GMPR: variants seen among roughly 807,000 people sequenced by gnomAD.
The protein encoded by GMPR is guanosine monophosphate reductase.
GMPR carries 31 observed loss-of-function variants against 38.4 expected under a neutral mutation model. The ratio of observed to expected loss-of-function variants is 0.81; its 90% CI spans 0.61 to 1.09. The LOEUF (loss-of-function observed/expected upper bound fraction) is 1.09. GMPR is among the 50% of genes least tolerant of loss of function. GMPR has a pLI of 0.00. For synonymous variants in GMPR, 162 were observed against 173.3 expected, an observed-to-expected ratio of 0.93 and a Z score of 0.51; for missense variants, 468 against 453.7, an observed-to-expected ratio of 1.03 and a Z score of -0.29.
intron 1 of GMPR, 50 bp from the exon 2 acceptor site, chr6:16,246,792 G>A (rs1323162392): frequency 6.3e-7 from 1 of 1,583,426 alleles, no homozygotes; most frequent in South Asian, 1.1e-5. Flanking sequence ...TCACATAAGA[G>A]CAAAGCACTC....
At chr6:16,254,841 C>A in intron 4 of GMPR, 106 bp downstream of exon 4, 1 of 721,998 alleles carries the variant, frequency 1.4e-6, no homozygotes, top group Non-Finnish European at 2.3e-6. Flanking sequence ...GCTTTTGGTG[C>A]CTCTTTAGTC....
chr6:16,256,391 A>G (rs899616655), intron 4 of GMPR, among the ~76,000 whole-genome samples: 3 of 149,656 alleles, frequency 2.0e-5, no homozygotes, highest in African/African-American at 4.9e-5. Context: ...TTAGCCAGGC[A>G]TGGTGGCAGA....
chr6:16,279,002 G>A (rs1561832214), intron 6 of GMPR, 112 bp downstream of exon 6: 10 of 662,108 alleles, frequency 1.5e-5, no homozygotes, highest in Non-Finnish European at 2.4e-5. Context: ...GCTGGGCACT[G>A]CGGTCACAGC....
At chr6:16,292,255 C>G (rs1453564265) in intron 8 of GMPR, among the ~76,000 whole-genome samples, 2 of 151,986 alleles carry the variant, frequency 1.3e-5, no homozygotes, top group Non-Finnish European at 2.9e-5. Flanking sequence ...TCATACCAAG[C>G]TAGCAGCAAA....
intron 5 of GMPR, among the ~76,000 whole-genome samples, chr6:16,277,245 G>A (rs1327588042): frequency 2.6e-5 from 4 of 152,216 alleles, no homozygotes; most frequent in Non-Finnish European, 5.9e-5. Flanking sequence ...AGCTGATGCA[G>A]GAGAGGGGCT....
chr6:16,283,883 G>A (rs1274117287), intron 6 of GMPR, among the ~76,000 whole-genome samples: 1 of 150,774 alleles, frequency 6.6e-6, no homozygotes, highest in African/African-American at 2.4e-5. Context: ...AGCTGGTTTT[G>A]ATAAAGAGAT....
intron 5 of GMPR, 96 bp downstream of exon 5, chr6:16,274,592 T>A (rs1759444358): frequency 5.4e-6 from 4 of 741,890 alleles, no homozygotes; most frequent in Non-Finnish European, 7.3e-6. Flanking sequence ...GATGCATGAA[T>A]GACTCATTCA....
chr6:16,269,643 A>G (rs1476550823), intron 4 of GMPR, among the ~76,000 whole-genome samples: 1 of 151,984 alleles, frequency 6.6e-6, no homozygotes, highest in Non-Finnish European at 1.5e-5. Flanking sequence ...TAAAAATACA[A>G]AAAATTAGCT....
intron 3 of GMPR, among the ~76,000 whole-genome samples, chr6:16,254,025 G>GTGAAC (rs1758926498): frequency 6.6e-6 from 1 of 152,086 alleles, no homozygotes; most frequent in Non-Finnish European, 1.5e-5. Flanking sequence ...CCGCCCCCCA[G>GTGAAC]GTTCAAGCTA....
intron 4 of GMPR, chr6:16,264,637 A>C (rs1395622531): frequency 1.3e-5 from 2 of 151,878 alleles, no homozygotes; most frequent in Non-Finnish European, 2.9e-5. Context: ...AGGTAAAGGA[A>C]AATTACAGTC....
chr6:16,250,801 G>C (rs1193282099), intron 3 of GMPR, among the ~76,000 whole-genome samples: 1 of 152,028 alleles, frequency 6.6e-6, no homozygotes, highest in Non-Finnish European at 1.5e-5. Context: ...CAGCACTTTG[G>C]GAGGCTGAGG....
intron 6 of GMPR, among the ~76,000 whole-genome samples, chr6:16,281,226 C>T (rs1345317316): frequency 6.6e-6 from 1 of 152,190 alleles, no homozygotes; most frequent in African/African-American, 2.4e-5. Flanking sequence ...GGCCCAGGAA[C>T]CTGTTTAAAC....
At chr6:16,277,217 CT>C (rs1010367649) in intron 5 of GMPR, among the ~76,000 whole-genome samples, 4 of 152,248 alleles carry the variant, frequency 2.6e-5, no homozygotes, top group African/African-American at 9.6e-5. Context: ...TACAGGACTT[CT>C]GTGGACTCTG....
rs143277148 is a variant in GMPR at position 16,290,486 on chromosome 6, T to C, written c.722T>C (p.Leu241Pro). ...GGAGCTGGAGCAGATTTTGTCATGC[T>C]GGGAGGAATGTTTTCGGGTCATACG... ...AFGAGADFVMLGGMFSGHTEC... is the reference protein window; with the variant it reads ...AFGAGADFVMPGGMFSGHTEC... Residue 241 changes from leucine to proline, a missense_variant, in exon 8 of 9, where the codon CTG becomes CCG. Leu to Pro is a moderately conservative substitution (Grantham distance 98). Coordinates refer to ENST00000259727, the MANE Select transcript of GMPR (RefSeq NM_006877.4). 2 of 1,614,116 alleles carry C rather than the reference T, an allele frequency of 1.2e-6. No individual in the cohort carries two copies. Among genetic ancestry groups the C allele is most frequent in the African/African-American group, 1.3e-5 (1 of 75,038 alleles).
chr6:16,290,578 G>C lies in GMPR; in HGVS notation c.814G>C (p.Asp272His). ...CAAGCTCTTCTACGGGATGAGCTCT[G>C]ACACCGCCATGAACAAGCACGCAGG... Reference protein sequence around the residue: ...KLKLFYGMSSDTAMNKHAGGV... With the variant: ...KLKLFYGMSSHTAMNKHAGGV... The change falls in exon 8 of 9, where the codon GAC becomes CAC. Residue 272 changes from aspartate (D) to histidine (H), a missense_variant. Transcript: ENST00000259727. The C allele has an allele frequency of 6.2e-7, 1 of 1,614,186 alleles. No homozygotes were observed.
chr6:16,288,318 G>A (rs535401373), intron 7 of GMPR, among the ~76,000 whole-genome samples: 100 of 152,370 alleles, frequency 6.6e-4, no homozygotes, highest in African/African-American at 2.1e-3. Context: ...AGTTCCGGGT[G>A]GGTGTGGGCT....
intron 4 of GMPR, among the ~76,000 whole-genome samples, chr6:16,256,293 A>G (rs1393886142): frequency 1.3e-5 from 2 of 149,574 alleles, no homozygotes; most frequent in Admixed American, 6.7e-5. Context: ...AGGTGGGTGG[A>G]TCATGAGGTC....
intron 4 of GMPR, among the ~76,000 whole-genome samples, chr6:16,266,143 GAGCTGTAACACTTGC>G (rs1561826983): frequency 7.9e-6 from 1 of 126,668 alleles, no homozygotes; most frequent in Non-Finnish European, 1.6e-5. Context: ...CCATCTTTAA[GAGCTGTAACACTTGC>G]CATCTTTAAG....
intron 1 of GMPR, among the ~76,000 whole-genome samples, chr6:16,241,487 C>T (rs375542072): frequency 3.3e-5 from 5 of 152,202 alleles, no homozygotes; most frequent in East Asian, 3.8e-4. Context: ...AGGTGGCCTT[C>T]GCCTGGATTC....
Sources: gnomAD v4.1 joint callset for allele counts (sites outside exome capture counted in the v4.1 genomes callset) on GRCh38, gnomAD v4.1.1 for gene constraint, MANE v1.5 for transcripts, NCBI Gene and HGNC (gene_info 2026-07-23, HGNC 2026-07-21) for gene names.